RANBP9: variants seen among roughly 807,000 people sequenced by gnomAD.
RANBP9 encodes RAN binding protein 9.
In RANBP9, 15 loss-of-function variants were observed where a neutral mutation model predicts 84.3. The observed-to-expected ratio is 0.18, with a 90% confidence interval of 0.12 to 0.27. The LOEUF (loss-of-function observed/expected upper bound fraction) is 0.27, where lower values mean the gene tolerates loss of function less well. RANBP9 is among the 10% of genes least tolerant of loss of function. The pLI, the probability that RANBP9 is intolerant of heterozygous loss-of-function variation, is 1.00. For missense variants in RANBP9, 809 were observed against 912.8 expected, an observed-to-expected ratio of 0.89 and a Z score of 1.46; for synonymous variants, 392 against 349.6, an observed-to-expected ratio of 1.12 and a Z score of -1.35.
chr6:13,631,727 AC>A (rs1425063793), intron 12 of RANBP9, among the ~76,000 whole-genome samples: 16 of 152,342 alleles, frequency 1.1e-4, no homozygotes, highest in African/African-American at 3.4e-4. Context: ...CATCTCTACA[AC>A]TGCAATGCTG....
At chr6:13,662,581 A>G (rs1241734565) in intron 2 of RANBP9, among the ~76,000 whole-genome samples, 1 of 152,124 alleles carries the variant, frequency 6.6e-6, no homozygotes, top group East Asian at 1.9e-4. Flanking sequence ...CCCTAATAAA[A>G]GAGGCGTGAG....
At chr6:13,652,158 T>C (rs1264708165) in intron 5 of RANBP9, among the ~76,000 whole-genome samples, 1 of 152,222 alleles carries the variant, frequency 6.6e-6, no homozygotes, top group African/African-American at 2.4e-5. Flanking sequence ...TTCCAAAGTA[T>C]ACTTAACACC....
At chr6:13,706,301 G>A (rs966400010) in intron 1 of RANBP9, among the ~76,000 whole-genome samples, 1 of 152,152 alleles carries the variant, frequency 6.6e-6, no homozygotes, top group Non-Finnish European at 1.5e-5. Flanking sequence ...CCGAGATGGC[G>A]CCACTGCACT....
chr6:13,677,420 A>G (rs1765917051), intron 2 of RANBP9, among the ~76,000 whole-genome samples: 2 of 152,216 alleles, frequency 1.3e-5, no homozygotes, highest in Non-Finnish European at 1.5e-5. Context: ...CGAATTCTGA[A>G]TAGTTTATTC....
At chr6:13,657,052 G>A in intron 4 of RANBP9, 57 bp downstream of exon 4, 1 of 1,429,304 alleles carries the variant, frequency 7.0e-7, no homozygotes, top group Non-Finnish European at 9.5e-7. Context: ...CTACCATCCT[G>A]GAAGTATAAT....
intron 9 of RANBP9, among the ~76,000 whole-genome samples, chr6:13,638,283 T>C (rs912540730): frequency 4.6e-5 from 7 of 152,138 alleles, no homozygotes; most frequent in Non-Finnish European, 1.0e-4. Flanking sequence ...AGTGACTGTA[T>C]GATATTCAAG....
At position 13,652,644 on chromosome 6, in the gene RANBP9, TA is replaced by T. The variant is rs749482273; in HGVS notation, c.927+14del. On this transcript the variant is annotated intron_variant, in intron 5 of 13. Coordinates refer to ENST00000011619, the MANE Select transcript of RANBP9 (RefSeq NM_005493.3). ...GTAATTAAAAATGGAAAACTGCTTT[TA>T]AAAAAAGTCTTACCGGTAGGTCAGT... 15 of 1,570,690 alleles carry T rather than the reference TA, an allele frequency of 9.5e-6. No homozygotes were observed. The highest frequency in any genetic ancestry group is 1.8e-5 in the Admixed American group (1 of 55,436).
intron 2 of RANBP9, among the ~76,000 whole-genome samples, chr6:13,684,050 T>C (rs996456438): frequency 7.2e-5 from 11 of 152,170 alleles, no homozygotes; most frequent in African/African-American, 1.9e-4. Context: ...TCCATAAATA[T>C]TGACTATCTA....
chr6:13,672,380 T>C (rs766265844), intron 2 of RANBP9, among the ~76,000 whole-genome samples: 6 of 152,156 alleles, frequency 3.9e-5, no homozygotes, highest in Non-Finnish European at 7.4e-5. Context: ...AGGGCTCCAA[T>C]ATAACAGATT....
chr6:13,671,255 A>G (rs537096389), intron 2 of RANBP9, among the ~76,000 whole-genome samples: 2 of 152,282 alleles, frequency 1.3e-5, no homozygotes, highest in South Asian at 2.1e-4. Context: ...GCAGCTCCTC[A>G]AAAAGTTAAT....
chr6:13,653,776 G>A (rs1011682535), intron 4 of RANBP9, among the ~76,000 whole-genome samples: 13 of 152,018 alleles, frequency 8.6e-5, no homozygotes, highest in African/African-American at 2.9e-4. Flanking sequence ...GTAAAGCCCT[G>A]TTTTTATGAT....
At chr6:13,657,561 C>T (rs1013427308) in intron 3 of RANBP9, among the ~76,000 whole-genome samples, 1 of 152,178 alleles carries the variant, frequency 6.6e-6, no homozygotes, top group Non-Finnish European at 1.5e-5. Flanking sequence ...CAGGAGGACA[C>T]ATTTTCTGTG....
intron 2 of RANBP9, among the ~76,000 whole-genome samples, chr6:13,679,454 G>A (rs537088735): frequency 7.5e-4 from 114 of 152,250 alleles, no homozygotes; most frequent in Non-Finnish European, 1.3e-3. Flanking sequence ...TCCATCTGTA[G>A]TTAACTACTA....
intron 1 of RANBP9, among the ~76,000 whole-genome samples, chr6:13,700,595 A>G (rs1453549418): frequency 6.6e-6 from 1 of 152,170 alleles, no homozygotes; most frequent in Non-Finnish European, 1.5e-5. Context: ...ACAAGCCCTC[A>G]TAGCAACATG....
chr6:13,649,705 T>C (rs1765252238), intron 5 of RANBP9, among the ~76,000 whole-genome samples: 1 of 151,560 alleles, frequency 6.6e-6, no homozygotes, highest in Non-Finnish European at 1.5e-5. Context: ...CCTAACTTAA[T>C]TTTTTTTTCT....
intron 10 of RANBP9, 134 bp from the exon 11 acceptor site, chr6:13,634,686 T>TTA (rs1764891835): frequency 2.2e-6 from 2 of 910,676 alleles, no homozygotes; most frequent in East Asian, 5.6e-5. Flanking sequence ...AAAAAGGTAT[T>TTA]TAGTTAAATC....
intron 1 of RANBP9, among the ~76,000 whole-genome samples, chr6:13,704,170 T>C (rs1200992272): frequency 6.6e-6 from 1 of 152,230 alleles, no homozygotes; most frequent in African/African-American, 2.4e-5. Context: ...GTCTTCTAAA[T>C]GAATTTACTA....
intron 2 of RANBP9, among the ~76,000 whole-genome samples, chr6:13,684,905 A>G (rs79153397): frequency 6.6e-6 from 1 of 152,190 alleles, no homozygotes; most frequent in Non-Finnish European, 1.5e-5. Flanking sequence ...TAAATTCCGC[A>G]CAGCATCCCA....
At chr6:13,656,229 T>C (rs974619391) in intron 4 of RANBP9, among the ~76,000 whole-genome samples, 1 of 152,206 alleles carries the variant, frequency 6.6e-6, no homozygotes, top group African/African-American at 2.4e-5. Context: ...TTCTAAATAC[T>C]ATTTGTAAAT....
Sources: allele counts gnomAD v4.1 joint callset (sites outside exome capture counted in the v4.1 genomes callset), GRCh38; gene constraint gnomAD v4.1.1; transcripts MANE v1.5; gene names NCBI Gene and HGNC (gene_info 2026-07-23, HGNC 2026-07-21).